Variants in DSC3 observed in about 807,000 individuals in gnomAD.
DSC3 encodes the protein desmocollin-3.
Under a neutral mutation model 89.5 loss-of-function variants are expected in DSC3, and 97 were observed. The ratio of observed to expected loss-of-function variants is 1.08; its 90% CI spans 0.92 to 1.28. The LOEUF (loss-of-function observed/expected upper bound fraction) is 1.28. DSC3 is among the 50% of genes most tolerant of loss of function. The probability of loss-of-function intolerance (pLI) is 0.00; values close to 1 mark genes in which losing one functional copy is unlikely to be tolerated. For missense variants in DSC3, 1,199 were observed against 1,085.3 expected (o/e 1.10, Z -1.47); for synonymous variants, 436 against 384.1 (o/e 1.14, Z -1.58).
At chr18:31,003,790 G>A (rs1420266236) in intron 13 of DSC3, among the ~76,000 whole-genome samples, 3 of 152,196 alleles carry the variant, frequency 2.0e-5, no homozygotes, top group African/African-American at 7.2e-5. Context: ...AGAAGATATG[G>A]AATGAAAGTG....
At chr18:30,996,329 ATATAC>A (rs1189282237) in intron 15 of DSC3, among the ~76,000 whole-genome samples, 7 of 152,288 alleles carry the variant, frequency 4.6e-5, no homozygotes, top group Non-Finnish European at 7.4e-5. Flanking sequence ...CCCCATAAAC[ATATAC>A]AATTAAATTT....
chr18:31,017,838 T>C (rs534958022), intron 9 of DSC3, among the ~76,000 whole-genome samples: 2 of 152,262 alleles, frequency 1.3e-5, no homozygotes, highest in South Asian at 2.1e-4. Flanking sequence ...AAGTGGCCAA[T>C]GGAGCTATGG....
intron 7 of DSC3, among the ~76,000 whole-genome samples, chr18:31,019,587 G>C (rs1433499403): frequency 6.6e-6 from 1 of 152,098 alleles, no homozygotes; most frequent in Non-Finnish European, 1.5e-5. Flanking sequence ...AAGGCCAGGA[G>C]TTTGAGACAG....
At chr18:31,031,288 C>G (rs1211242058) in intron 2 of DSC3, 116 bp from the exon 3 acceptor site, 2 of 710,678 alleles carry the variant, frequency 2.8e-6, no homozygotes, top group Non-Finnish European at 4.6e-6. Context: ...AAGCCAATCA[C>G]TTTGCATTTA....
At chr18:31,012,259 A>G (rs1221437819) in intron 9 of DSC3, among the ~76,000 whole-genome samples, 1 of 152,226 alleles carries the variant, frequency 6.6e-6, no homozygotes, top group Admixed American at 6.5e-5. Context: ...ATATAATTTA[A>G]AAAGTAAACT....
At position 30,992,225 on chromosome 18, in the gene DSC3, AG is replaced by A. The variant is rs1399943350; in HGVS notation, c.*1949del. ...TCTAAGTCTAAAACACATAGATTTT[AG>A]GGTCAAATTAGAAAACAGAAAATGT... On this transcript the variant is annotated 3_prime_UTR_variant, in exon 16 of 16. Coordinates refer to ENST00000360428, the MANE Select transcript of DSC3 (RefSeq NM_001941.5). 6.7e-6 allele frequency: 1 copy of A among 148,890 alleles called. No individual in the cohort carries two copies. Among genetic ancestry groups the A allele is most frequent in the African/African-American group, 2.4e-5 (1 of 41,054 alleles). The allele number at this position is 148,890 out of a possible 1,614,324, so 9.2% of individuals were successfully genotyped here.
intron 1 of DSC3, among the ~76,000 whole-genome samples, chr18:31,038,768 G>A (rs989500444): frequency 1.3e-5 from 2 of 152,066 alleles, no homozygotes; most frequent in East Asian, 1.9e-4. Flanking sequence ...CACGTTCAAG[G>A]TTAAGAAATG....
At chr18:31,024,544 A>G in intron 5 of DSC3, 51 bp from the exon 6 acceptor site, 2 of 1,586,788 alleles carry the variant, frequency 1.3e-6, no homozygotes, top group Non-Finnish European at 1.7e-6. Flanking sequence ...CCGGCAAGAC[A>G]GAATAAGATG....
At chr18:31,039,816 C>A (rs1045734713) in intron 1 of DSC3, among the ~76,000 whole-genome samples, 1 of 152,328 alleles carries the variant, frequency 6.6e-6, no homozygotes, top group East Asian at 1.9e-4. Context: ...CATCAACAAT[C>A]TCCTTTTAAT....
Position 30,994,215 on chromosome 18 carries a change from G to T in DSC3, c.2651C>A (p.Pro884His), listed in dbSNP as rs759374333. 3.1e-6 allele frequency: 5 copies of T among 1,613,736 alleles called. No homozygotes were observed. The highest frequency in any genetic ancestry group is 4.2e-6 in the Non-Finnish European group (5 of 1,179,956). ...TGCTTCTGCTAATGTAATAAATTTG[G>T]GTTCCAAATTATTTAAAAAGTCAAG... ...DGLDFLNNLE[P>H]KFITLAEACT... The change falls in exon 16 of 16, where the codon CCC becomes CAC. Residue 884 changes from proline to histidine, a missense_variant. Coordinates refer to ENST00000360428, the MANE Select transcript of DSC3 (RefSeq NM_001941.5).
chr18:31,034,759 A>G (rs1985917593), intron 1 of DSC3, among the ~76,000 whole-genome samples: 1 of 152,240 alleles, frequency 6.6e-6, no homozygotes, highest in Non-Finnish European at 1.5e-5. Context: ...TTTCGTTTAC[A>G]TAAAATGTCC....
At chr18:31,035,072 G>A (rs927709779) in intron 1 of DSC3, among the ~76,000 whole-genome samples, 1 of 152,120 alleles carries the variant, frequency 6.6e-6, no homozygotes, top group Non-Finnish European at 1.5e-5. Context: ...ATTCACAGAA[G>A]TAATTTCAGC....
At chr18:31,027,026 C>A (rs1427363805) in intron 4 of DSC3, among the ~76,000 whole-genome samples, 1 of 152,098 alleles carries the variant, frequency 6.6e-6, no homozygotes, top group Non-Finnish European at 1.5e-5. Context: ...AAACCTCTGT[C>A]TTGTTTAAGC....
At chr18:30,995,517 T>C (rs76252429) in intron 15 of DSC3, among the ~76,000 whole-genome samples, 1 of 152,128 alleles carries the variant, frequency 6.6e-6, no homozygotes, top group African/African-American at 2.4e-5. Flanking sequence ...AGGTAAAAAT[T>C]TAGTCCAGAA....
At chr18:31,025,130 G>A (rs1394358939) in intron 5 of DSC3, among the ~76,000 whole-genome samples, 1 of 152,054 alleles carries the variant, frequency 6.6e-6, no homozygotes, top group African/African-American at 2.4e-5. Flanking sequence ...TTTTTTGTAG[G>A]AACAGAATCT....
rs115518845 is a variant in DSC3 at position 31,031,190 on chromosome 18, C to G, written c.155-18G>C. 3.7e-4 allele frequency: 592 copies of G among 1,582,460 alleles called. 2 individuals carry two copies. The African/African-American group carries it at 7.4e-3, about 20-fold the overall frequency. ...CAAATTAACTGCAAGTAAAAATTTCCAAGTTGTAAGGTAAAAACACATGAG... is the reference window on the plus strand; with the variant it reads ...CAAATTAACTGCAAGTAAAAATTTCGAAGTTGTAAGGTAAAAACACATGAG... On this transcript the variant is annotated intron_variant, in intron 2 of 15. Coordinates refer to ENST00000360428, the MANE Select transcript of DSC3 (RefSeq NM_001941.5).
intron 1 of DSC3, among the ~76,000 whole-genome samples, chr18:31,036,871 A>C (rs1429216066): frequency 1.4e-5 from 2 of 141,842 alleles, no homozygotes; most frequent in African/African-American, 5.3e-5. Flanking sequence ...CAGCTCACTG[A>C]AACATCTGCC....
chr18:30,994,106 G>C lies in DSC3; in HGVS notation c.*69C>G. Reference sequence around the variant, plus strand: ...CATCATATACATACATGTTGAAATTGAACTTTACAATATTATTTTTGGAAA... The same window carrying C: ...CATCATATACATACATGTTGAAATTCAACTTTACAATATTATTTTTGGAAA... On this transcript the variant is annotated 3_prime_UTR_variant, in exon 16 of 16. Coordinates refer to ENST00000360428, the MANE Select transcript of DSC3 (RefSeq NM_001941.5). 1 of 1,452,010 alleles carries C rather than the reference G, an allele frequency of 6.9e-7. No homozygotes were observed. Among genetic ancestry groups the C allele is most frequent in the African/African-American group, 1.4e-5 (1 of 71,612 alleles). The allele number at this position is 1,452,010 out of a possible 1,614,324, so 89.9% of individuals were successfully genotyped here.
At chr18:31,003,757 C>T (rs547628404) in intron 13 of DSC3, among the ~76,000 whole-genome samples, 3 of 152,222 alleles carry the variant, frequency 2.0e-5, no homozygotes, top group East Asian at 1.9e-4. Context: ...GAACATCTCC[C>T]GTAACTCTGT....
Sources: allele counts gnomAD v4.1 joint callset (sites outside exome capture counted in the v4.1 genomes callset), GRCh38; gene constraint gnomAD v4.1.1; transcripts MANE v1.5; gene names NCBI Gene and HGNC (gene_info 2026-07-23, HGNC 2026-07-21).